Variants in ENKUR observed in about 807,000 individuals in gnomAD.
ENKUR encodes enkurin, TRPC channel interacting protein, also known as enkurin.
ENKUR carries 19 observed loss-of-function variants against 27.6 expected under a neutral mutation model. The ratio of observed to expected loss-of-function variants is 0.69; its 90% CI spans 0.48 to 1.01. The LOEUF (loss-of-function observed/expected upper bound fraction) is 1.01. Ranked by LOEUF, ENKUR falls within the 50% of genes least tolerant of loss-of-function variation. The pLI is 0.00. For synonymous variants in ENKUR, 117 were observed against 96.9 expected (o/e 1.21, Z -1.22); for missense variants, 312 against 310.5 (o/e 1.00, Z -0.04).
intron 2 of ENKUR, among the ~76,000 whole-genome samples, chr10:25,054,873 G>C (rs1168851745): frequency 6.6e-6 from 1 of 151,838 alleles, no homozygotes; most frequent in African/African-American, 2.4e-5. Context: ...ACAGGGTCTT[G>C]CCATATTGCC....
chr10:24,992,471 A>T (rs1849948345), intron 3 of ENKUR, among the ~76,000 whole-genome samples: 1 of 152,182 alleles, frequency 6.6e-6, no homozygotes, highest in African/African-American at 2.4e-5. Context: ...TTGTCCTCAT[A>T]AAGTAAGATG....
At chr10:25,003,943 C>T (rs75839807) in intron 1 of ENKUR, among the ~76,000 whole-genome samples, 1,818 of 152,280 alleles carry the variant, frequency 0.012, 30 homozygotes, top group African/African-American at 0.041. Context: ...TTTCATGTTC[C>T]TGTGTTAGTT....
At chr10:25,027,370 A>C (rs1331587991) in intron 2 of ENKUR, among the ~76,000 whole-genome samples, 1 of 142,674 alleles carries the variant, frequency 7.0e-6, no homozygotes, top group Non-Finnish European at 1.5e-5. Context: ...AAAAAAAAAA[A>C]AAAAAAAAAA....
Position 24,984,282 on chromosome 10 carries a change from G to T in ENKUR, c.*88C>A. On this transcript the variant is annotated 3_prime_UTR_variant, in exon 6 of 6. Coordinates refer to ENST00000331161, the MANE Select transcript of ENKUR (RefSeq NM_145010.4). ...CATTTGTGGAGCTCAGAAACAATGT[G>T]TTGGAGACAGTTTAGAGTAGCAAGA... 1 of 1,423,412 alleles carries T rather than the reference G, an allele frequency of 7.0e-7. No homozygotes were observed. The highest frequency in any genetic ancestry group is 9.6e-7 in the Non-Finnish European group (1 of 1,038,664). The allele number at this position is 1,423,412 out of a possible 1,614,324, so 88.2% of individuals were successfully genotyped here. A position where few individuals can be genotyped will look rare whatever the true frequency, so the allele number is the denominator to read the frequency against.
At chr10:25,051,008 T>C (rs1196639947) in intron 2 of ENKUR, among the ~76,000 whole-genome samples, 1 of 152,220 alleles carries the variant, frequency 6.6e-6, no homozygotes, top group African/African-American at 2.4e-5. Flanking sequence ...TTACTGATGA[T>C]TTATTTTCCC....
At chr10:25,062,159 G>T (rs1229993747) in intron 1 of ENKUR, 1 of 152,150 alleles carries the variant, frequency 6.6e-6, no homozygotes, top group African/African-American at 2.4e-5. Context: ...GACATTGTTT[G>T]GAGCGACTCC....
rs563439876 is a variant in ENKUR, at chr10:25,007,326, T to C, written c.78-7780A>G. ...CTGATTTTAAGGAGTATTGTTGTCA[T>C]ATTTTCTTCTCTCAACATTTTTATG... is the stretch of plus-strand genomic sequence containing the variant. On this transcript the variant is annotated intron_variant, in intron 1 of 5. Coordinates refer to ENST00000331161, the MANE Select transcript of ENKUR (RefSeq NM_145010.4). 7.9e-5 allele frequency among the ~76,000 whole-genome samples: 12 copies of C among 152,364 alleles called. No homozygotes were observed. The South Asian group carries it at 2.3e-3, about 29-fold the overall frequency.
rs1849688093 is a variant in ENKUR at position 24,982,444 on chromosome 10, T to G, written c.*1926A>C. The G allele has an allele frequency of 6.6e-6, 1 of 152,198 alleles. No homozygotes were observed. Among genetic ancestry groups the G allele is most frequent in the South Asian group, 2.1e-4 (1 of 4,828 alleles). The allele number at this position is 152,198 out of a possible 1,614,324, so 9.4% of individuals were successfully genotyped here. On this transcript the variant is annotated 3_prime_UTR_variant, in exon 6 of 6. Coordinates refer to ENST00000331161, the MANE Select transcript of ENKUR (RefSeq NM_145010.4). ...GGGGCCAGACCACATCAAATCTTTA[T>G]TCTACCCATTCTTCCTTTGAACAGG... is the stretch of plus-strand genomic sequence containing the variant.
chr10:25,008,260 T>G (rs2132713760), intron 1 of ENKUR, among the ~76,000 whole-genome samples: 1 of 152,250 alleles, frequency 6.6e-6, no homozygotes, highest in East Asian at 1.9e-4. Flanking sequence ...AAAAGAGACT[T>G]TGGAATAGTC....
rs746740469 is a variant in ENKUR at position 24,982,119 on chromosome 10, T to C, written c.*2251A>G. On this transcript the variant is annotated 3_prime_UTR_variant, in exon 6 of 6. Transcript: ENST00000331161. ...CTCCCCCATAAGCTTGAAATGTTCATGGAAAACAGGCAAATAACCAGATAT... is the reference window on the plus strand; with the variant it reads ...CTCCCCCATAAGCTTGAAATGTTCACGGAAAACAGGCAAATAACCAGATAT... 8 of 152,194 alleles carry C rather than the reference T, an allele frequency of 5.3e-5. No individual in the cohort carries two copies. Among genetic ancestry groups the C allele is most frequent in the Admixed American group, 3.9e-4 (6 of 15,280 alleles). The allele number at this position is 152,194 out of a possible 1,614,324, so 9.4% of individuals were successfully genotyped here.
chr10:25,029,240 G>T (rs1850906086), intron 2 of ENKUR, among the ~76,000 whole-genome samples: 1 of 152,078 alleles, frequency 6.6e-6, no homozygotes, highest in African/African-American at 2.4e-5. Context: ...ATGAGTTTAT[G>T]AAATGAAAAT....
chr10:25,040,934 G>A (rs1366426095), intron 2 of ENKUR, among the ~76,000 whole-genome samples: 2 of 152,126 alleles, frequency 1.3e-5, no homozygotes, highest in Non-Finnish European at 2.9e-5. Flanking sequence ...TAACAAGATT[G>A]TGGACATCTT....
chr10:24,986,489 C>T (rs1380286731), intron 4 of ENKUR, among the ~76,000 whole-genome samples: 2 of 152,214 alleles, frequency 1.3e-5, no homozygotes, highest in African/African-American at 2.4e-5. Context: ...CAAAAGAATT[C>T]TATTTCTCCA....
intron 1 of ENKUR, among the ~76,000 whole-genome samples, chr10:25,003,722 T>C (rs916159894): frequency 6.6e-6 from 1 of 152,336 alleles, no homozygotes; most frequent in South Asian, 2.1e-4. Context: ...AGATTTGTTA[T>C]ATAGGTAAAC....
chr10:25,016,205 A>C (rs1850568371), upstream of ENKUR: 4 of 1,166,976 alleles, frequency 3.4e-6, no homozygotes, highest in Non-Finnish European at 3.2e-6. Context: ...AGTGGCAGGC[A>C]GCACCGCAAA....
rs1850241839 is a variant in ENKUR, at chr10:25,003,491, G to A, written c.78-3945C>T. Among the ~76,000 whole-genome samples, 3 of 152,202 alleles carry A rather than the reference G, an allele frequency of 2.0e-5. No individual in the cohort carries two copies. The South Asian group carries it at 6.2e-4, about 31-fold the overall frequency. ...CAAAGTGCTGGGATAACAGATGTGA[G>A]CCACTGCGCCAAGCCTGTGTTTCTA... On this transcript the variant is annotated intron_variant, in intron 1 of 5. Transcript: ENST00000331161.
intron 2 of ENKUR, among the ~76,000 whole-genome samples, chr10:25,042,577 G>A (rs899419217): frequency 1.3e-5 from 2 of 152,008 alleles, no homozygotes; most frequent in Admixed American, 6.6e-5. Flanking sequence ...TTACAGATGT[G>A]AGCCACCATG....
chr10:25,016,679 G>A (rs940232991), upstream of ENKUR: 2 of 152,368 alleles, frequency 1.3e-5, no homozygotes, highest in African/African-American at 4.8e-5. Context: ...GCGGGACCGG[G>A]GAGCTAGCTG....
chr10:25,025,692 G>T, intron 2 of ENKUR: 1 of 468,394 alleles, frequency 2.1e-6, no homozygotes, highest in South Asian at 3.6e-5. Flanking sequence ...TCATACTTTT[G>T]CCTTCTGCTC....
Sources: allele counts gnomAD v4.1 joint callset (sites outside exome capture counted in the v4.1 genomes callset), GRCh38; gene constraint gnomAD v4.1.1; transcripts MANE v1.5; gene names NCBI Gene and HGNC (gene_info 2026-07-23, HGNC 2026-07-21).